MYOM2: variants seen among roughly 807,000 people sequenced by gnomAD.
MYOM2 encodes myomesin-2.
Under a neutral mutation model 187.6 loss-of-function variants are expected in MYOM2, and 254 were observed. That is an observed-to-expected ratio of 1.35 (90% CI 1.22 to 1.50). The LOEUF (loss-of-function observed/expected upper bound fraction) is 1.50, where lower values mean the gene tolerates loss of function less well. MYOM2 is among the 40% of genes most tolerant of loss of function. MYOM2 has a pLI of 0.00. For missense variants in MYOM2, 2,796 were observed against 1,924.0 expected (o/e 1.45, Z -8.48); for synonymous variants, 981 against 753.8 (o/e 1.30, Z -4.94).
chr8:2,111,192 G>C (rs899656178), intron 25 of MYOM2, among the ~76,000 whole-genome samples: 2 of 152,160 alleles, frequency 1.3e-5, no homozygotes, highest in Admixed American at 1.3e-4. Flanking sequence ...TAATCTTTTG[G>C]AATATGGTTG....
At chr8:2,118,259 T>A (rs947880885) in intron 28 of MYOM2, among the ~76,000 whole-genome samples, 2 of 152,196 alleles carry the variant, frequency 1.3e-5, no homozygotes, top group Non-Finnish European at 2.9e-5. Context: ...CCTGGTGAAA[T>A]ACACCTAGAA....
intron 1 of MYOM2, among the ~76,000 whole-genome samples, chr8:2,047,142 C>T (rs1585807534): frequency 1.3e-5 from 2 of 152,158 alleles, no homozygotes; most frequent in African/African-American, 2.4e-5. Context: ...AAGGGATGCT[C>T]CACCTGTAGG....
chr8:2,140,073 C>T (rs7833263), intron 32 of MYOM2, among the ~76,000 whole-genome samples: 1 of 152,118 alleles, frequency 6.6e-6, no homozygotes, highest in African/African-American at 2.4e-5. Context: ...AGTCCCCATT[C>T]CCCTCCCCCA....
intron 32 of MYOM2, among the ~76,000 whole-genome samples, chr8:2,136,940 T>G (rs1395068521): frequency 6.6e-6 from 1 of 152,100 alleles, no homozygotes; most frequent in Non-Finnish European, 1.5e-5. Flanking sequence ...ATTTCACCTG[T>G]TGGACAAAGC....
intron 23 of MYOM2, among the ~76,000 whole-genome samples, chr8:2,108,315 A>G (rs1796959594): frequency 6.7e-6 from 1 of 150,256 alleles, no homozygotes. Flanking sequence ...TCATGGTAAT[A>G]CACTATAGTG....
chr8:2,134,446 T>C (rs192814103), intron 32 of MYOM2, among the ~76,000 whole-genome samples: 149 of 152,280 alleles, frequency 9.8e-4, no homozygotes, highest in African/African-American at 3.2e-3. Flanking sequence ...CCTGGGAACG[T>C]TATTATTTTT....
At chr8:2,130,321 C>G (rs75182492) in intron 32 of MYOM2, among the ~76,000 whole-genome samples, 224 of 101,788 alleles carry the variant, frequency 2.2e-3, no homozygotes, top group African/African-American at 8.2e-3. Flanking sequence ...ACGCCCCTCA[C>G]TACGCTATAC....
intron 25 of MYOM2, 37 bp downstream of exon 25, chr8:2,109,568 G>T (rs1362690489): frequency 6.3e-7 from 1 of 1,578,586 alleles, no homozygotes; most frequent in Non-Finnish European, 8.6e-7. Flanking sequence ...GCTTTGCAGG[G>T]AGTCCACTTT....
chr8:2,088,765 T>C (rs548258649), intron 14 of MYOM2, among the ~76,000 whole-genome samples: 3 of 152,382 alleles, frequency 2.0e-5, no homozygotes, highest in East Asian at 1.9e-4. Context: ...TTATTTTCCT[T>C]TGGGCATATA....
At chr8:2,100,778 G>C (rs1244992331) in intron 19 of MYOM2, 98 bp from the exon 20 acceptor site, 24 of 1,177,220 alleles carry the variant, frequency 2.0e-5, no homozygotes, top group Non-Finnish European at 2.2e-5. Flanking sequence ...CTGGTGGGGG[G>C]CTTCCCAGAG....
intron 6 of MYOM2, among the ~76,000 whole-genome samples, chr8:2,060,304 C>A (rs535116819): frequency 6.6e-6 from 1 of 152,122 alleles, no homozygotes; most frequent in Non-Finnish European, 1.5e-5. Flanking sequence ...AAGCCATTAA[C>A]GCCTCCTGAA....
chr8:2,125,990 T>G (rs1005081238), intron 31 of MYOM2, among the ~76,000 whole-genome samples: 4 of 152,162 alleles, frequency 2.6e-5, no homozygotes, highest in Non-Finnish European at 5.9e-5. Context: ...TTTAGATTGC[T>G]TTGGGTAGTA....
intron 35 of MYOM2, among the ~76,000 whole-genome samples, chr8:2,142,606 C>G (rs1204267971): frequency 6.6e-6 from 1 of 152,018 alleles, no homozygotes; most frequent in Non-Finnish European, 1.5e-5. Context: ...AGCCCCGTCA[C>G]CCCTTGGACA....
At chr8:2,109,080 A>T (rs1329139659) in intron 24 of MYOM2, among the ~76,000 whole-genome samples, 1 of 152,236 alleles carries the variant, frequency 6.6e-6, no homozygotes, top group East Asian at 1.9e-4. Context: ...TCCGAGTGAG[A>T]TCCAAGATTT....
intron 13 of MYOM2, 34 bp downstream of exon 13, chr8:2,079,647 C>T (rs373870584): frequency 1.4e-5 from 22 of 1,601,752 alleles, no homozygotes; most frequent in Non-Finnish European, 1.9e-5. Flanking sequence ...GCTGCTCAGC[C>T]CCTGGGGATT....
At position 2,096,133 on chromosome 8, in the gene MYOM2, C is replaced by G. The variant is rs878871597; in HGVS notation, c.2126-114C>G. On this transcript the variant is annotated intron_variant, in intron 17 of 36. Coordinates refer to ENST00000262113, the MANE Select transcript of MYOM2 (RefSeq NM_003970.4). ...GAGAGGGATCAGAGGGCACAGTGTT[C>G]AGGCCCGTCTCCACGTTGCTTCCTC... 65 of 966,274 alleles carry G rather than the reference C, an allele frequency of 6.7e-5. No homozygotes were observed. The African/African-American group carries it at 7.9e-4, about 12-fold the overall frequency. 59.9% of individuals were successfully genotyped at this position (966,274 alleles called of 1,614,324 possible). A position where few individuals can be genotyped will look rare whatever the true frequency, so the allele number is the denominator to read the frequency against.
chr8:2,096,368 G>A lies in MYOM2; in HGVS notation c.2247G>A (p.Lys749=), dbSNP rs1190711711. The part of the protein sequence containing the change: ...GSPILGYYLD[K]REVHHKNWHE... ...CCATCCTGGGCTACTACCTGGACAA[G>A]CGTGAAGTTCACCATAAAAACTGGC... Residue 749 remains lysine (K), a synonymous_variant, in exon 18 of 37, where the codon AAG becomes AAA. Coordinates refer to ENST00000262113, the MANE Select transcript of MYOM2 (RefSeq NM_003970.4). 1 of 1,614,230 alleles carries A rather than the reference G, an allele frequency of 6.2e-7. No homozygotes were observed. The highest frequency in any genetic ancestry group is 8.5e-7 in the Non-Finnish European group (1 of 1,180,040).
rs1796986170 is a variant in MYOM2 at position 2,109,155 on chromosome 8, C to G, written c.3044-240C>G. ...TTAAATATAGAAAGAATCCAGGCAT[C>G]TTTACTTATCGAACACATTTGCAAA... On this transcript the variant is annotated intron_variant, in intron 24 of 36. Transcript: ENST00000262113. 7.5e-6 allele frequency: 4 copies of G among 536,186 alleles called. No homozygotes were observed. The Admixed American group carries it at 1.1e-4, about 15-fold the overall frequency. 33.2% of individuals were successfully genotyped at this position (536,186 alleles called of 1,614,324 possible).
At chr8:2,047,894 A>G (rs1226527403) in intron 1 of MYOM2, among the ~76,000 whole-genome samples, 1 of 152,194 alleles carries the variant, frequency 6.6e-6, no homozygotes, top group Non-Finnish European at 1.5e-5. Flanking sequence ...CACGTCAGTG[A>G]TACATAGGTT....
Sources: allele counts gnomAD v4.1 joint callset (sites outside exome capture counted in the v4.1 genomes callset), GRCh38; gene constraint gnomAD v4.1.1; transcripts MANE v1.5; gene names NCBI Gene and HGNC (gene_info 2026-07-23, HGNC 2026-07-21).